SCLT1: variants seen among roughly 807,000 people sequenced by gnomAD.
SCLT1 encodes sodium channel-associated protein 1.
SCLT1 carries 78 observed loss-of-function variants against 112.8 expected under a neutral mutation model. The ratio of observed to expected loss-of-function variants is 0.69; its 90% confidence interval spans 0.58 to 0.83. SCLT1 has a LOEUF of 0.83. Ranked by LOEUF, SCLT1 falls within the 40% of genes least tolerant of loss-of-function variation. The pLI is 0.00. For synonymous variants in SCLT1, 257 were observed against 254.7 expected (o/e 1.01, Z -0.09); for missense variants, 747 against 770.4 (o/e 0.97, Z 0.36).
At chr4:128,890,376 A>C (rs1489620314) in intron 19 of SCLT1, among the ~76,000 whole-genome samples, 2 of 152,154 alleles carry the variant, frequency 1.3e-5, no homozygotes, top group Admixed American at 6.6e-5. Context: ...AATGGGAGCT[A>C]CCTGAAAGAT....
chr4:128,959,802 A>C, intron 11 of SCLT1, 25 bp from the exon 12 acceptor site: 1 of 1,593,034 alleles, frequency 6.3e-7, no homozygotes, highest in Non-Finnish European at 8.6e-7. Context: ...TTACACTGGG[A>C]AAGTTAAACT....
intron 18 of SCLT1, among the ~76,000 whole-genome samples, chr4:128,897,688 T>C (rs1402535467): frequency 1.3e-5 from 2 of 152,180 alleles, no homozygotes; most frequent in African/African-American, 4.8e-5. Context: ...ATCTTAAATG[T>C]AAATGCGCTA....
At chr4:129,031,372 G>C (rs1399440320) in intron 5 of SCLT1, among the ~76,000 whole-genome samples, 1 of 152,026 alleles carries the variant, frequency 6.6e-6, no homozygotes, top group Non-Finnish European at 1.5e-5. Flanking sequence ...ATGGGCAAAA[G>C]CTGAAAGCGT....
chr4:129,052,615 CTCTTT>C (rs1378885768), intron 2 of SCLT1, among the ~76,000 whole-genome samples: 1 of 151,260 alleles, frequency 6.6e-6, no homozygotes, highest in African/African-American at 2.4e-5. Context: ...TGATTCTTCT[CTCTTT>C]TCTTCTTTAT....
intron 2 of SCLT1, among the ~76,000 whole-genome samples, chr4:129,062,494 T>C (rs1161463288): frequency 6.6e-6 from 1 of 152,114 alleles, no homozygotes; most frequent in Non-Finnish European, 1.5e-5. Flanking sequence ...AATGAGTTGA[T>C]AGTTTCATGT....
intron 20 of SCLT1, among the ~76,000 whole-genome samples, chr4:128,885,967 G>A (rs1160173190): frequency 6.6e-6 from 1 of 151,522 alleles, no homozygotes; most frequent in African/African-American, 2.4e-5. Flanking sequence ...GGCATTTTTT[G>A]AAAACTTAGG....
intron 5 of SCLT1, among the ~76,000 whole-genome samples, chr4:129,022,283 C>A (rs558620714): frequency 1.3e-5 from 2 of 152,150 alleles, no homozygotes; most frequent in South Asian, 4.2e-4. Flanking sequence ...CAAAACTGGA[C>A]AAAGAATGAG....
At chr4:129,031,392 A>G (rs1021013937) in intron 5 of SCLT1, among the ~76,000 whole-genome samples, 1 of 152,136 alleles carries the variant, frequency 6.6e-6, no homozygotes, top group South Asian at 2.1e-4. Flanking sequence ...TTCCCTTAGA[A>G]AACTGGCACA....
intron 18 of SCLT1, among the ~76,000 whole-genome samples, chr4:128,923,861 G>C (rs1579389192): frequency 6.6e-6 from 1 of 152,220 alleles, no homozygotes; most frequent in African/African-American, 2.4e-5. Context: ...GCCCAGGCTG[G>C]AGTGCAGTGG....
At chr4:128,922,544 G>A (rs906646453) in intron 18 of SCLT1, among the ~76,000 whole-genome samples, 3 of 152,076 alleles carry the variant, frequency 2.0e-5, no homozygotes, top group South Asian at 2.1e-4. Flanking sequence ...GTGAACTAAC[G>A]CAGGAACAGA....
At chr4:128,970,632 T>C (rs1209445506) in intron 9 of SCLT1, 164 bp from the exon 10 acceptor site, 8 of 574,308 alleles carry the variant, frequency 1.4e-5, no homozygotes, top group South Asian at 2.2e-5. Context: ...ATGAAGTGCA[T>C]GTAGAAGATA....
intron 5 of SCLT1, among the ~76,000 whole-genome samples, chr4:129,028,021 A>G (rs1433139356): frequency 6.6e-6 from 1 of 152,210 alleles, no homozygotes; most frequent in Non-Finnish European, 1.5e-5. Flanking sequence ...TCAATGAAAT[A>G]AAAGAGGATA....
intron 14 of SCLT1, among the ~76,000 whole-genome samples, chr4:128,949,607 C>T (rs1294162858): frequency 1.3e-5 from 2 of 152,024 alleles, no homozygotes; most frequent in East Asian, 1.9e-4. Context: ...TCGATTCCCA[C>T]CTATAAGTGA....
At chr4:129,030,487 C>T (rs1210981245) in intron 5 of SCLT1, among the ~76,000 whole-genome samples, 2 of 151,972 alleles carry the variant, frequency 1.3e-5, no homozygotes, top group Non-Finnish European at 2.9e-5. Flanking sequence ...GAGACAGAGA[C>T]ATGAAAAACT....
At chr4:128,963,518 C>A (rs1739918172) in intron 11 of SCLT1, among the ~76,000 whole-genome samples, 1 of 152,116 alleles carries the variant, frequency 6.6e-6, no homozygotes. Flanking sequence ...GGGAGTCTTA[C>A]AGACTTTTCT....
intron 18 of SCLT1, among the ~76,000 whole-genome samples, chr4:128,903,656 C>G (rs1734487865): frequency 6.6e-6 from 1 of 152,112 alleles, no homozygotes; most frequent in Non-Finnish European, 1.5e-5. Context: ...TTCAACCTTA[C>G]AGTTTTCTTC....
chr4:128,901,469 A>AAC (rs2125935497), intron 18 of SCLT1, among the ~76,000 whole-genome samples: 1 of 149,660 alleles, frequency 6.7e-6, no homozygotes, highest in East Asian at 2.0e-4. Context: ...GGAATTGAAC[A>AAC]ATGAGAACAC....
At chr4:128,999,873 T>A (rs114074964) in intron 6 of SCLT1, 79 bp from the exon 7 acceptor site, 54 of 884,742 alleles carry the variant, frequency 6.1e-5, no homozygotes, top group Non-Finnish European at 6.6e-5. Context: ...TTTTCTTTTA[T>A]AGAATAAGTT....
intron 14 of SCLT1, among the ~76,000 whole-genome samples, chr4:128,951,351 G>C (rs1738717542): frequency 6.6e-6 from 1 of 152,014 alleles, no homozygotes; most frequent in South Asian, 2.1e-4. Context: ...ATGACTATGA[G>C]ATGTTTCATA....
Sources: gnomAD v4.1 joint callset for allele counts (sites outside exome capture counted in the v4.1 genomes callset) on GRCh38, gnomAD v4.1.1 for gene constraint, MANE v1.5 for transcripts, NCBI Gene and HGNC (gene_info 2026-07-23, HGNC 2026-07-21) for gene names.